The following DLG5 variants were observed in gnomAD, a reference collection of about 807,000 sequenced individuals.
DLG5 encodes the protein discs large MAGUK scaffold protein 5.
DLG5 carries 48 observed loss-of-function variants against 189.8 expected under a neutral mutation model. The observed-to-expected ratio is 0.25, with a 90% CI of 0.20 to 0.32. The LOEUF (loss-of-function observed/expected upper bound fraction) is 0.32. Among genes scored for constraint, DLG5 ranks in the 10% least tolerant of loss-of-function variants. The pLI is 1.00. For missense variants in DLG5, 2,160 were observed against 2,544.7 expected (o/e 0.85, Z 3.25); for synonymous variants, 1,016 against 1,054.1 (o/e 0.96, Z 0.70).
chr10:77,854,700 T>C (rs557098917), intron 3 of DLG5, among the ~76,000 whole-genome samples: 60 of 152,206 alleles, frequency 3.9e-4, no homozygotes, highest in African/African-American at 1.3e-3. Flanking sequence ...GTCTCTTCTC[T>C]GTAGGCTCGG....
intron 1 of DLG5, among the ~76,000 whole-genome samples, chr10:77,901,666 A>G (rs1343137036): frequency 6.6e-6 from 1 of 152,044 alleles, no homozygotes; most frequent in African/African-American, 2.4e-5. Flanking sequence ...TGGCACTCTC[A>G]CTTCTAGGCA....
chr10:77,926,439 C>G lies in DLG5; in HGVS notation c.82G>C (p.Gly28Arg), dbSNP rs1263112285. 2 of 1,561,072 alleles carry G rather than the reference C, an allele frequency of 1.3e-6. No individual in the cohort carries two copies. Among genetic ancestry groups the G allele is most frequent in the Non-Finnish European group, 1.7e-6 (2 of 1,156,292 alleles). Residue 28 changes from glycine (G) to arginine (R), a missense_variant, in exon 1 of 32, where the codon GGG becomes CGG. By Grantham distance (125) the Gly-to-Arg change is moderately radical. This residue lies in a region of DLG5 where 664 missense variants were observed against 838.5 expected (regional missense o/e 0.79). Transcript: ENST00000372391. The surrounding 1 kb of genome is among the most constrained non-coding windows in gnomAD (Gnocchi z 5.2). ...QAMTEVEAVL[G>R]LLEAAGALSP... ...AGCGCTCCCGCGGCCTCGAGCAGCCCGAGCACGGCTTCCACCTCCGTCATG... is the reference window on the plus strand; with the variant it reads ...AGCGCTCCCGCGGCCTCGAGCAGCCGGAGCACGGCTTCCACCTCCGTCATG...
At chr10:77,858,464 G>A (rs1781817) in intron 2 of DLG5, among the ~76,000 whole-genome samples, 38,641 of 151,760 alleles carry the variant, frequency 0.25, 5,492 homozygotes, top group Admixed American at 0.39. Flanking sequence ...GCGAAACCCC[G>A]TCTCTAGCAA....
At chr10:77,925,889 G>A (rs953653065) in intron 1 of DLG5, among the ~76,000 whole-genome samples, 2 of 152,218 alleles carry the variant, frequency 1.3e-5, no homozygotes, top group African/African-American at 4.8e-5. Context: ...AGCGGACGGT[G>A]AGGAGCCTCA....
chr10:77,794,604 A>C (rs960517504), intron 30 of DLG5, among the ~76,000 whole-genome samples: 2 of 152,194 alleles, frequency 1.3e-5, no homozygotes, highest in Admixed American at 1.3e-4. Context: ...ATGCCCAAAA[A>C]ACAGTGGCAG....
intron 1 of DLG5, among the ~76,000 whole-genome samples, chr10:77,876,373 CTT>C (rs60644218): frequency 0.013 from 1,810 of 134,858 alleles, 11 homozygotes; most frequent in Admixed American, 0.018. Flanking sequence ...CCCCATCTCT[CTT>C]TTTTTTTTTT....
intron 7 of DLG5, among the ~76,000 whole-genome samples, chr10:77,839,297 T>C (rs1843304110): frequency 6.6e-6 from 1 of 152,158 alleles, no homozygotes; most frequent in African/African-American, 2.4e-5. Context: ...GGTCAGGAAT[T>C]CGAGACTAGC....
At chr10:77,806,262 C>T (rs1841466137) in intron 26 of DLG5, 1 of 246,090 alleles carries the variant, frequency 4.1e-6, no homozygotes, top group African/African-American at 2.2e-5. Context: ...ACTATGCAAT[C>T]CCAACCACAC....
intron 27 of DLG5, among the ~76,000 whole-genome samples, chr10:77,799,782 A>G (rs923629342): frequency 6.6e-6 from 1 of 151,922 alleles, no homozygotes; most frequent in Admixed American, 6.6e-5. Context: ...TTAGTTTTTT[A>G]AAGTTTTTGT....
In DLG5 at chr10:77,797,617, G is replaced by A. The variant is rs955548679; in HGVS notation, c.5165-1023C>T. Among the ~76,000 whole-genome samples the A allele has an allele frequency of 2.5e-4, 38 of 152,194 alleles. 1 individual carries two copies. The highest frequency in any genetic ancestry group is 7.3e-5 in the Non-Finnish European group (5 of 68,048). On this transcript the variant is annotated intron_variant, in intron 27 of 31. Coordinates refer to ENST00000372391, the MANE Select transcript of DLG5 (RefSeq NM_004747.4). ...TCCAGAAAGAGCAGGGCAAGAGGAT[G>A]AGTATGGAGATGATGGGGAGGGCAG...
At chr10:77,878,469 G>A (rs1255746235) in intron 1 of DLG5, among the ~76,000 whole-genome samples, 1 of 152,148 alleles carries the variant, frequency 6.6e-6, no homozygotes, top group Non-Finnish European at 1.5e-5. Context: ...GGTGGCCTCT[G>A]CAGTGTACAC....
At chr10:77,801,950 T>G (rs564714856) in intron 27 of DLG5, among the ~76,000 whole-genome samples, 1 of 152,296 alleles carries the variant, frequency 6.6e-6, no homozygotes, top group South Asian at 2.1e-4. Flanking sequence ...ACGGGTCCTC[T>G]GAGAGGCAGA....
chr10:77,793,894 C>T, intron 31 of DLG5, 114 bp downstream of exon 31: 2 of 888,560 alleles, frequency 2.3e-6, no homozygotes, highest in Non-Finnish European at 3.6e-6. Context: ...CTCATGACAG[C>T]ACTTGGGAGC....
At chr10:77,918,100 A>G (rs1486080593) in intron 1 of DLG5, among the ~76,000 whole-genome samples, 1 of 150,320 alleles carries the variant, frequency 6.7e-6, no homozygotes, top group African/African-American at 2.4e-5. Context: ...AATGTTATAT[A>G]TATTTTTCCA....
At chr10:77,806,147 T>C (rs550738093) in intron 26 of DLG5, 5 of 414,476 alleles carry the variant, frequency 1.2e-5, no homozygotes, top group South Asian at 7.8e-5. Flanking sequence ...CAGCCTTCAA[T>C]TGGTGACATG....
At chr10:77,931,287 T>C (rs866949613), upstream of DLG5, among the ~76,000 whole-genome samples, 1 of 150,944 alleles carries the variant, frequency 6.6e-6, no homozygotes, top group Non-Finnish European at 1.5e-5. Flanking sequence ...AGATTCTTAC[T>C]CTGTCTCCCA....
chr10:77,900,544 A>G (rs1178320269), intron 1 of DLG5, among the ~76,000 whole-genome samples: 1 of 152,172 alleles, frequency 6.6e-6, no homozygotes, highest in African/African-American at 2.4e-5. Context: ...TCACGCCTGT[A>G]ATCCTAACAC....
Position 77,796,543 on chromosome 10 carries a change from A to G in DLG5, c.5216T>C (p.Leu1739Pro), listed in dbSNP as rs74140333. ...QRVQKVDCTA[L>P]RPVLILGPLL... ...AGGCCCCAGAATCAGGACAGGCCTC[A>G]GAGCGGTGCAGTCCACCTTCTGGAC... Residue 1739 changes from leucine to proline, a missense_variant, in exon 28 of 32, where the codon CTG becomes CCG. Around this residue, in one of 5 missense-constraint regions of DLG5, gnomAD observed 574 missense variants for 644.2 expected, o/e 0.89. Transcript: ENST00000372391. This position sits in a 1 kb window ranked among gnomAD's most constrained non-coding sequence, Gnocchi z 5.2. 2.0e-3 allele frequency: 3,209 copies of G among 1,614,154 alleles called. 50 individuals are homozygous for G. The African/African-American group carries it at 0.035, about 18-fold the overall frequency.
At chr10:77,874,000 GGAACCACAGCCTGAC>G (rs1845006046) in intron 1 of DLG5, among the ~76,000 whole-genome samples, 2 of 152,216 alleles carry the variant, frequency 1.3e-5, no homozygotes, top group Admixed American at 6.5e-5. Flanking sequence ...CTCACACTGA[GGAACCACAGCCTGAC>G]GAACCACAGC....
Sources: allele counts gnomAD v4.1 joint callset (sites outside exome capture counted in the v4.1 genomes callset), GRCh38; gene constraint gnomAD v4.1.1; regional missense constraint gnomAD v4.1.1; non-coding constraint Gnocchi (gnomAD v3.1); transcripts MANE v1.5; gene names NCBI Gene and HGNC (gene_info 2026-07-23, HGNC 2026-07-21).